Variants in TMTC3 observed in about 807,000 individuals in gnomAD.
TMTC3 encodes transmembrane O-mannosyltransferase targeting cadherins 3, also known as protein O-mannosyl-transferase TMTC3.
In TMTC3, 52 loss-of-function variants were observed where a neutral mutation model predicts 92.2. The ratio of observed to expected loss-of-function variants is 0.56; its 90% CI spans 0.45 to 0.71. The LOEUF is 0.71. Ranked by LOEUF, TMTC3 falls within the 30% of genes least tolerant of loss-of-function variation. The pLI is 0.00. For synonymous variants in TMTC3, 339 were observed against 363.3 expected (o/e 0.93, Z 0.76); for missense variants, 896 against 1,057.1 (o/e 0.85, Z 2.11).
intron 3 of TMTC3, 83 bp downstream of exon 3, chr12:88,153,592 AGAAAAAAAAAAAT>A: frequency 2.7e-6 from 2 of 731,898 alleles, no homozygotes; most frequent in East Asian, 5.8e-5. Flanking sequence ...TATATTTTTA[AGAAAAAAAAAAAT>A]TAACCCTGAC....
At chr12:88,158,565 A>G (rs2041037136) in intron 4 of TMTC3, among the ~76,000 whole-genome samples, 1 of 150,428 alleles carries the variant, frequency 6.6e-6, no homozygotes, top group African/African-American at 2.5e-5. Context: ...TTTTTCATTT[A>G]TTTCTTTGTT....
At position 88,160,804 on chromosome 12, in the gene TMTC3, T is replaced by A. The variant is rs773460854; in HGVS notation, c.750T>A (p.Val250=). Residue 250 remains valine, a synonymous_variant, in exon 6 of 14, where the codon GTT becomes GTA. Transcript: ENST00000266712. ...IVLMFSTLLL[V]VIRVQVIQSQ... is the part of the protein sequence containing the mutation. The stretch of plus-strand genomic sequence containing the variant: ...TGATGTTCAGTACATTATTACTTGT[T>A]GTGATTAGAGTCCAGGTTATTCAAT... 5 of 1,613,390 alleles carry A rather than the reference T, an allele frequency of 3.1e-6. No homozygotes were observed. The highest frequency in any genetic ancestry group is 4.2e-6 in the Non-Finnish European group (5 of 1,179,636).
At chr12:88,156,811 GT>G (rs56284816) in intron 4 of TMTC3, among the ~76,000 whole-genome samples, 48 of 136,740 alleles carry the variant, frequency 3.5e-4, no homozygotes, top group African/African-American at 9.1e-4. Flanking sequence ...GTGTGTGTGT[GT>G]TTTTTTTTTT....
chr12:88,190,688 A>G, intron 12 of TMTC3, 66 bp downstream of exon 12: 1 of 1,490,910 alleles, frequency 6.7e-7, no homozygotes, highest in Non-Finnish European at 9.1e-7. Flanking sequence ...GTACATTTTG[A>G]ATGAATTGGT....
At chr12:88,155,941 C>G (rs1350054293) in intron 4 of TMTC3, among the ~76,000 whole-genome samples, 1 of 152,046 alleles carries the variant, frequency 6.6e-6, no homozygotes, top group Non-Finnish European at 1.5e-5. Flanking sequence ...GAAATCCTGT[C>G]TCTACTAACA....
rs759257350 is a variant in TMTC3, at chr12:88,195,658, T to C, written c.*9T>C. 1.3e-6 allele frequency: 2 copies of C among 1,568,672 alleles called. No individual in the cohort carries two copies. The highest frequency in any genetic ancestry group is 1.7e-6 in the Non-Finnish European group (2 of 1,160,924). On this transcript the variant is annotated 3_prime_UTR_variant, in exon 14 of 14. Transcript: ENST00000266712. ...TTTTAAATGGTGAATAACATTAATA[T>C]TTATCGTGACAATGGTATCAAAGAA... is the stretch of plus-strand genomic sequence containing the variant.
At chr12:88,192,857 T>C (rs1345557683) in intron 13 of TMTC3, 27 bp downstream of exon 13, 2 of 1,568,586 alleles carry the variant, frequency 1.3e-6, no homozygotes, top group East Asian at 2.3e-5. Context: ...TATTTCTGTT[T>C]ATATAAATTG....
rs549589353 is a variant in TMTC3, at chr12:88,142,394, G to A, written c.-122G>A. The A allele has an allele frequency of 2.6e-5, 4 of 152,566 alleles. No homozygotes were observed. The East Asian group carries it at 5.8e-4, about 22-fold the overall frequency. The allele number at this position is 152,566 out of a possible 1,614,324, so 9.5% of individuals were successfully genotyped here. A position where few individuals can be genotyped will look rare whatever the true frequency, so the allele number is the denominator to read the frequency against. ...GCGCCTGCAAACTGGTGGCCTGAAC[G>A]AGGTAGACCATGACTGTGGTTTCAG... On this transcript the variant is annotated 5_prime_UTR_variant, in exon 1 of 14. Transcript: ENST00000266712.
At chr12:88,178,154 A>C (rs1452911725) in intron 10 of TMTC3, among the ~76,000 whole-genome samples, 1 of 152,214 alleles carries the variant, frequency 6.6e-6, no homozygotes, top group Non-Finnish European at 1.5e-5. Flanking sequence ...ATAGAAAAGA[A>C]CACAGTCACC....
Position 88,160,728 on chromosome 12 carries a change from A to C in TMTC3, c.674A>C (p.Lys225Thr). The change falls in exon 6 of 14, where the codon AAG becomes ACG. Residue 225 changes from lysine (K) to threonine (T), a missense_variant. Lys to Thr is a moderately conservative substitution (Grantham distance 78). Transcript: ENST00000266712. ...CTTAGQFLRG[K>T]GSIPFSMLQT... ...ACTGCTGGACAGTTTCTCCGTGGAAAGGGTAGCATTCCATTTTCTATGCTG... is the reference window on the plus strand; with the variant it reads ...ACTGCTGGACAGTTTCTCCGTGGAACGGGTAGCATTCCATTTTCTATGCTG... 2 of 1,613,652 alleles carry C rather than the reference A, an allele frequency of 1.2e-6. No homozygotes were observed. The highest frequency in any genetic ancestry group is 1.7e-6 in the Non-Finnish European group (2 of 1,179,766).
rs1461313423 is a variant in TMTC3 at position 88,197,526 on chromosome 12, C to T, written c.*1877C>T. On this transcript the variant is annotated 3_prime_UTR_variant, in exon 14 of 14. Transcript: ENST00000266712. ...TGTGATCTCTCTTTTGCCATAGTATCAAGTGGAGGGTAGTTCAGAAAAGTT... is the reference window on the plus strand; with the variant it reads ...TGTGATCTCTCTTTTGCCATAGTATTAAGTGGAGGGTAGTTCAGAAAAGTT... 2.6e-5 allele frequency: 4 copies of T among 152,012 alleles called. No individual in the cohort carries two copies. The highest frequency in any genetic ancestry group is 9.7e-5 in the African/African-American group (4 of 41,320). The allele number at this position is 152,012 out of a possible 1,614,324, so 9.4% of individuals were successfully genotyped here.
chr12:88,155,895 T>C (rs2138372534), intron 4 of TMTC3, among the ~76,000 whole-genome samples: 1 of 152,176 alleles, frequency 6.6e-6, no homozygotes, highest in Middle Eastern at 3.4e-3. Flanking sequence ...CGGATCACAT[T>C]GTCAGGAGTT....
In TMTC3 at chr12:88,172,668, C is replaced by T. The variant is rs376400054; in HGVS notation, c.1122C>T (p.Ala374=). The change falls in exon 8 of 14, where the codon GCC becomes GCT. Residue 374 remains alanine, a synonymous_variant. Coordinates refer to ENST00000266712, the MANE Select transcript of TMTC3 (RefSeq NM_181783.4). The part of the protein sequence containing the change: ...NLFFPVGFVV[A]ERVLYVPSMG... ...TTTTTCCAGTTGGATTTGTTGTTGC[C>T]GAGCGAGTATTATATGTTCCCAGCA... 1.9e-5 allele frequency: 30 copies of T among 1,588,396 alleles called. 1 individual carries two copies. The highest frequency in any genetic ancestry group is 1.7e-4 in the South Asian group (15 of 86,636).
rs1297903679 is a variant in TMTC3 at position 88,199,038 on chromosome 12, C to CT, written c.*3391dup. The CT allele has an allele frequency of 7.9e-5, 6 of 76,040 alleles. No homozygotes were observed. Among genetic ancestry groups the CT allele is most frequent in the African/African-American group, 1.8e-4 (5 of 27,396 alleles). The allele number at this position is 76,040 out of a possible 1,614,324, so 4.7% of individuals were successfully genotyped here. On this transcript the variant is annotated 3_prime_UTR_variant, in exon 14 of 14. Coordinates refer to ENST00000266712, the MANE Select transcript of TMTC3 (RefSeq NM_181783.4). ...GGTACTTCTTAAAACCATAACCTGG[C>CT]TTGCCTTTTAGTGTTAAAAAAATAC... is the stretch of plus-strand genomic sequence containing the variant.
intron 6 of TMTC3, among the ~76,000 whole-genome samples, chr12:88,162,968 T>C (rs1385724476): frequency 6.6e-6 from 1 of 151,226 alleles, no homozygotes; most frequent in African/African-American, 2.4e-5. Flanking sequence ...AGGGCTGGAG[T>C]GCAATGGCGC....
intron 8 of TMTC3, chr12:88,172,977 A>G (rs1347468677): frequency 5.6e-6 from 8 of 1,423,882 alleles, no homozygotes; most frequent in Non-Finnish European, 7.4e-6. Context: ...CTGAGACAGA[A>G]CAAACTTTGA....
intron 11 of TMTC3, among the ~76,000 whole-genome samples, chr12:88,189,807 G>T (rs1016251899): frequency 2.6e-5 from 4 of 151,906 alleles, no homozygotes; most frequent in Non-Finnish European, 5.9e-5. Flanking sequence ...TTAAGTTAAG[G>T]TTTTTATAAT....
chr12:88,155,152 A>C (rs1431083158), intron 4 of TMTC3, among the ~76,000 whole-genome samples: 1 of 152,186 alleles, frequency 6.6e-6, no homozygotes, highest in African/African-American at 2.4e-5. Flanking sequence ...TCTTAAAACA[A>C]TTTGAGTGGC....
intron 6 of TMTC3, among the ~76,000 whole-genome samples, chr12:88,162,627 C>T (rs1222656425): frequency 6.6e-6 from 1 of 152,116 alleles, no homozygotes; most frequent in African/African-American, 2.4e-5. Context: ...AGAAGGAAGT[C>T]TGATTTGAGT....
Sources: allele counts gnomAD v4.1 joint callset (sites outside exome capture counted in the v4.1 genomes callset), GRCh38; gene constraint gnomAD v4.1.1; transcripts MANE v1.5; gene names NCBI Gene and HGNC (gene_info 2026-07-23, HGNC 2026-07-21).